Variants in ATR observed in about 807,000 individuals in gnomAD.
The protein encoded by ATR is serine/threonine-protein kinase ATR.
In ATR, 142 loss-of-function variants were observed where a neutral mutation model predicts 305.3. The ratio of observed to expected loss-of-function variants is 0.47; its 90% CI spans 0.41 to 0.53. The LOEUF (loss-of-function observed/expected upper bound fraction) is 0.53. ATR is among the 20% of genes least tolerant of loss of function. The pLI, the probability that ATR is intolerant of heterozygous loss-of-function variation, is 0.00. For synonymous variants in ATR, 1,050 were observed against 1,068.1 expected (o/e 0.98, Z 0.33); for missense variants, 2,135 against 3,133.1 (o/e 0.68, Z 7.60).
Position 142,560,256 on chromosome 3 carries a change from G to A in ATR, c.1541+7C>T. Reference sequence around the variant, plus strand: ...CCCAACCCCAAGAAACAAGAAGTTTGTTTTACCAGTTCATGTTTTGATGAG... The same window carrying A: ...CCCAACCCCAAGAAACAAGAAGTTTATTTTACCAGTTCATGTTTTGATGAG... On this transcript the variant is annotated splice_region_variant and intron_variant, in intron 6 of 46. Coordinates refer to ENST00000350721, the MANE Select transcript of ATR (RefSeq NM_001184.4). 1 of 1,612,814 alleles carries A rather than the reference G, an allele frequency of 6.2e-7. No homozygotes were observed. Among genetic ancestry groups the A allele is most frequent in the Non-Finnish European group, 8.5e-7 (1 of 1,178,994 alleles).
chr3:142,569,305 TG>T (rs1254491506), intron 1 of ATR, among the ~76,000 whole-genome samples: 2 of 152,138 alleles, frequency 1.3e-5, no homozygotes, highest in Admixed American at 6.5e-5. Flanking sequence ...ATTTTCTGGG[TG>T]TTTTTTTATT....
intron 1 of ATR, among the ~76,000 whole-genome samples, chr3:142,569,259 G>C (rs1309280574): frequency 2.0e-5 from 3 of 152,124 alleles, no homozygotes; most frequent in Non-Finnish European, 2.9e-5. Flanking sequence ...AGTGGACAAG[G>C]GTTCCAATTT....
chr3:142,526,638 T>C (rs914408842), intron 21 of ATR, among the ~76,000 whole-genome samples: 2 of 152,114 alleles, frequency 1.3e-5, no homozygotes, highest in African/African-American at 4.8e-5. Flanking sequence ...ATGAAATGTG[T>C]CAAAGTCTAT....
chr3:142,503,505 G>T, intron 29 of ATR, 52 bp from the exon 30 acceptor site: 1 of 1,208,510 alleles, frequency 8.3e-7, no homozygotes, highest in East Asian at 2.5e-5. Flanking sequence ...ATAATAGCTT[G>T]GGGACCAAAA....
chr3:142,540,099 A>G (rs946466685), intron 18 of ATR, among the ~76,000 whole-genome samples: 3 of 152,192 alleles, frequency 2.0e-5, no homozygotes, highest in Non-Finnish European at 2.9e-5. Context: ...TCAAGCATCT[A>G]TATCTAAGTA....
At position 142,462,065 on chromosome 3, in the gene ATR, C is replaced by T. The variant is rs751772547; in HGVS notation, c.7067G>A (p.Arg2356His). The change falls in exon 42 of 47, where the codon CGT (arginine) becomes CAT (histidine). Residue 2356 changes from arginine to histidine, a missense_variant. Transcript: ENST00000350721. ...NKCLRKDAES[R>H]RRELHIRTYA... ...TGTTCGAATATGAAGTTCTCTTCTACGAGACTCTGCATCTTTTCTTAAGCA... is the reference window on the plus strand; with the variant it reads ...TGTTCGAATATGAAGTTCTCTTCTATGAGACTCTGCATCTTTTCTTAAGCA... 5.6e-6 allele frequency: 9 copies of T among 1,612,498 alleles called. No homozygotes were observed. Among genetic ancestry groups the T allele is most frequent in the Admixed American group, 3.3e-5 (2 of 59,990 alleles).
At chr3:142,468,154 A>C in intron 38 of ATR, 86 bp from the exon 39 acceptor site, 1 of 1,479,408 alleles carries the variant, frequency 6.8e-7, no homozygotes, top group Non-Finnish European at 9.3e-7. Context: ...AAAAAACTTA[A>C]AAAGTATTCA....
At chr3:142,490,901 C>T (rs2031239303) in intron 35 of ATR, among the ~76,000 whole-genome samples, 2 of 151,956 alleles carry the variant, frequency 1.3e-5, no homozygotes, top group Admixed American at 1.3e-4. Flanking sequence ...CAATTAATAA[C>T]TTTCCTATAT....
intron 18 of ATR, among the ~76,000 whole-genome samples, chr3:142,540,508 A>T (rs938164451): frequency 9.9e-5 from 15 of 152,172 alleles, no homozygotes; most frequent in South Asian, 2.1e-4. Flanking sequence ...ATAATAATTC[A>T]TGAAGGTTAT....
intron 27 of ATR, 40 bp downstream of exon 27, chr3:142,512,220 T>TAAAAAAAAAAAAAAA: frequency 8.0e-7 from 1 of 1,245,626 alleles, no homozygotes; most frequent in Non-Finnish European, 1.1e-6. Context: ...GGTGAATAGC[T>TAAAAAAAAAAAAAAA]AAAAAAAAAA....
intron 36 of ATR, among the ~76,000 whole-genome samples, chr3:142,484,068 G>A (rs937016123): frequency 6.6e-6 from 1 of 151,884 alleles, no homozygotes; most frequent in Non-Finnish European, 1.5e-5. Flanking sequence ...CTAACTCCTC[G>A]TTTTAATGTC....
At chr3:142,453,976 G>A (rs1437708585) in intron 45 of ATR, among the ~76,000 whole-genome samples, 1 of 152,080 alleles carries the variant, frequency 6.6e-6, no homozygotes, top group Non-Finnish European at 1.5e-5. Flanking sequence ...TTTTTCTACA[G>A]TACAAATCAG....
chr3:142,552,297 CAAAGGAATATAA>C (rs148988969), intron 13 of ATR, among the ~76,000 whole-genome samples: 99,246 of 151,610 alleles, frequency 0.65, 34,282 homozygotes, highest in African/African-American at 0.89. Flanking sequence ...GGTATATACC[CAAAGGAATATAA>C]AAAGGAATAT....
intron 25 of ATR, among the ~76,000 whole-genome samples, chr3:142,514,952 C>T (rs1418609123): frequency 6.6e-6 from 1 of 151,664 alleles, no homozygotes; most frequent in Non-Finnish European, 1.5e-5. Context: ...AGAAATATAC[C>T]TGTTTTTCTA....
chr3:142,450,329 C>T (rs1355888654), intron 46 of ATR: 37 of 1,170,672 alleles, frequency 3.2e-5, no homozygotes, highest in Admixed American at 4.0e-5. Flanking sequence ...GAGCCATGTG[C>T]GTGAACCAAA....
At chr3:142,558,922 G>C (rs2034779749) in intron 7 of ATR, 146 bp from the exon 8 acceptor site, 2 of 822,972 alleles carry the variant, frequency 2.4e-6, no homozygotes, top group Non-Finnish European at 3.7e-6. Flanking sequence ...ACGATGGTCT[G>C]AGGTCTGTGA....
At chr3:142,554,064 G>A (rs775793582) in intron 10 of ATR, 49 bp from the exon 11 acceptor site, 2 of 1,436,822 alleles carry the variant, frequency 1.4e-6, no homozygotes, top group South Asian at 2.6e-5. Flanking sequence ...TAAATGTCAA[G>A]GTTGTACTGT....
chr3:142,474,503 A>T (rs1025774474), intron 36 of ATR, among the ~76,000 whole-genome samples: 1 of 151,994 alleles, frequency 6.6e-6, no homozygotes, highest in Non-Finnish European at 1.5e-5. Context: ...TGTAAATGAG[A>T]TTGTCTTCTT....
intron 34 of ATR, among the ~76,000 whole-genome samples, chr3:142,493,655 G>A (rs1404174355): frequency 3.3e-5 from 5 of 152,114 alleles, no homozygotes; most frequent in Admixed American, 1.3e-4. Flanking sequence ...ACTGCTTGGG[G>A]CCAGGAGTTT....
Sources: gnomAD v4.1 joint callset for allele counts (sites outside exome capture counted in the v4.1 genomes callset) on GRCh38, gnomAD v4.1.1 for gene constraint, MANE v1.5 for transcripts, NCBI Gene and HGNC (gene_info 2026-07-23, HGNC 2026-07-21) for gene names.